The following SLC28A3 variants were observed in gnomAD, a reference collection of about 807,000 sequenced individuals.
SLC28A3 encodes solute carrier family 28 member 3.
In SLC28A3, 68 loss-of-function variants were observed where a neutral mutation model predicts 84.2. That is an observed-to-expected ratio of 0.81 (90% CI 0.66 to 0.99). The LOEUF (loss-of-function observed/expected upper bound fraction) is 0.99, where lower values mean the gene tolerates loss of function less well. Ranked by LOEUF, SLC28A3 falls within the 50% of genes least tolerant of loss-of-function variation. SLC28A3 has a pLI of 0.00. For synonymous variants in SLC28A3, 267 were observed against 303.6 expected (o/e 0.88, Z 1.25); for missense variants, 712 against 841.5 (o/e 0.85, Z 1.90).
intron 8 of SLC28A3, among the ~76,000 whole-genome samples, chr9:84,295,406 G>A (rs796558960): frequency 2.0e-5 from 3 of 152,094 alleles, no homozygotes; most frequent in Non-Finnish European, 2.9e-5. Flanking sequence ...CCAACATGGC[G>A]AAACCCTGTC....
At chr9:84,353,188 T>G in the SLC28A3 span, among the ~76,000 whole-genome samples, 1 of 152,194 alleles carries the variant, frequency 6.6e-6, no homozygotes, top group African/African-American at 2.4e-5. Context: ...GTATCCCAAA[T>G]GTAAGTTGTC....
At chr9:84,364,010 A>G in the SLC28A3 span, among the ~76,000 whole-genome samples, 1 of 152,064 alleles carries the variant, frequency 6.6e-6, no homozygotes, top group African/African-American at 2.4e-5. Context: ...TATGGGGTAC[A>G]TGAGATGTTT....
rs941994627 is a variant in SLC28A3 at position 84,283,379 on chromosome 9, A to T, written c.1647+1966T>A. On this transcript the variant is annotated intron_variant, in intron 14 of 17. Coordinates refer to ENST00000376238, the MANE Select transcript of SLC28A3 (RefSeq NM_001199633.2). Reference sequence around the variant, plus strand: ...ATCTCTGATAGTGAAAAAACAGATAACTGCTTATCAGCATGGGACTGGTTA... The same window carrying T: ...ATCTCTGATAGTGAAAAAACAGATATCTGCTTATCAGCATGGGACTGGTTA... 2.0e-5 allele frequency among the ~76,000 whole-genome samples: 3 copies of T among 152,368 alleles called. No homozygotes were observed. In the South Asian group the frequency reaches 6.2e-4, roughly 32 times the overall value.
chr9:84,309,718 G>A lies in SLC28A3; in HGVS notation c.157-4C>T. ...CAACTGTGACCTGTTCTTCATCCTGGAAATCAAACATTGGAGCAGAGATGG... is the reference window on the plus strand; with the variant it reads ...CAACTGTGACCTGTTCTTCATCCTGAAAATCAAACATTGGAGCAGAGATGG... On this transcript the variant is annotated splice_polypyrimidine_tract_variant and splice_region_variant and intron_variant, in intron 2 of 17. Coordinates refer to ENST00000376238, the MANE Select transcript of SLC28A3 (RefSeq NM_001199633.2). The A allele has an allele frequency of 6.2e-7, 1 of 1,612,946 alleles. No homozygotes were observed.
In SLC28A3 at chr9:84,275,959, CATCTT is replaced by C. The variant is rs1824514124; in HGVS notation, c.*2254_*2258del. 1 of 152,166 alleles carries C rather than the reference CATCTT, an allele frequency of 6.6e-6. No individual in the cohort carries two copies. Among genetic ancestry groups the C allele is most frequent in the African/African-American group, 2.4e-5 (1 of 41,442 alleles). 9.4% of individuals were successfully genotyped at this position (152,166 alleles called of 1,614,324 possible). Reference sequence around the variant, plus strand: ...CATATTTCTCCAAAAACCAGTCTGACATCTTATAATACCAGAAATATACACACACT... The same window carrying C: ...CATATTTCTCCAAAAACCAGTCTGACATAATACCAGAAATATACACACACT... On this transcript the variant is annotated 3_prime_UTR_variant, in exon 18 of 18. Transcript: ENST00000376238.
chr9:84,304,466 A>G lies in SLC28A3; in HGVS notation c.334+788T>C, dbSNP rs563454471. 5.3e-4 allele frequency among the ~76,000 whole-genome samples: 80 copies of G among 152,256 alleles called. No individual in the cohort carries two copies. In the East Asian group the frequency reaches 0.01, roughly 20 times the overall value. On this transcript the variant is annotated intron_variant, in intron 4 of 17. Coordinates refer to ENST00000376238, the MANE Select transcript of SLC28A3 (RefSeq NM_001199633.2). ...AACAAAAAATAACAGTACAACAAAA[A>G]AAAAAAACAAAAACAAACCAAAACA...
chr9:84,350,118 A>G, the SLC28A3 span, among the ~76,000 whole-genome samples: 1 of 152,232 alleles, frequency 6.6e-6, no homozygotes, highest in South Asian at 2.1e-4. Context: ...GTGCATTTAA[A>G]TATATCTAAA....
the SLC28A3 span, among the ~76,000 whole-genome samples, chr9:84,364,462 A>T: frequency 6.6e-6 from 1 of 152,096 alleles, no homozygotes. Context: ...GCCTCAAGTG[A>T]TCCTCCTGCC....
rs1824712438 is a variant in SLC28A3, at chr9:84,280,651, G to C, written c.1729+150C>G. The C allele has an allele frequency of 5.4e-6, 4 of 735,926 alleles. No individual in the cohort carries two copies. The South Asian group carries it at 7.5e-5, about 14-fold the overall frequency. 45.6% of individuals were successfully genotyped at this position (735,926 alleles called of 1,614,324 possible). ...TGGGTGTGCAAGGGAAAACTATATT[G>C]CAGACTAGAGATTAAAAAAATAGAC... On this transcript the variant is annotated intron_variant, in intron 15 of 17. Coordinates refer to ENST00000376238, the MANE Select transcript of SLC28A3 (RefSeq NM_001199633.2).
chr9:84,287,941 G>A lies in SLC28A3; in HGVS notation c.1280+107C>T, dbSNP rs531317169. 1.1e-4 allele frequency: 148 copies of A among 1,403,222 alleles called. 1 individual carries two copies. The highest frequency in any genetic ancestry group is 1.4e-4 in the Non-Finnish European group (140 of 1,020,874). The allele number at this position is 1,403,222 out of a possible 1,614,324, so 86.9% of individuals were successfully genotyped here. On this transcript the variant is annotated intron_variant, in intron 12 of 17. Coordinates refer to ENST00000376238, the MANE Select transcript of SLC28A3 (RefSeq NM_001199633.2). ...TAGTCTTTGGACTAACTTTAATATT[G>A]TAATTCACTGTGCTTTCCGGTTATC...
the SLC28A3 span, among the ~76,000 whole-genome samples, chr9:84,350,928 A>G: frequency 6.6e-6 from 1 of 152,018 alleles, no homozygotes; most frequent in Non-Finnish European, 1.5e-5. Flanking sequence ...CCAGGCTGGT[A>G]TATCCTGACC....
chr9:84,309,749 T>C, intron 2 of SLC28A3, 35 bp from the exon 3 acceptor site: 1 of 1,588,152 alleles, frequency 6.3e-7, no homozygotes. Flanking sequence ...GATGGAATAA[T>C]GAGCATCCTG....
chr9:84,367,323 A>T, the SLC28A3 span, among the ~76,000 whole-genome samples: 1 of 152,152 alleles, frequency 6.6e-6, no homozygotes. Context: ...AGGTCCAGAG[A>T]TATCCACAAG....
At chr9:84,340,777 C>T (rs1320348759), upstream of SLC28A3, 17 of 806,870 alleles carry the variant, frequency 2.1e-5, no homozygotes, top group Non-Finnish European at 2.4e-5. Flanking sequence ...CTGCAATAAT[C>T]TCCTGAATGA....
rs140965244 is a variant in SLC28A3, at chr9:84,299,071, A to G, written c.669+510T>C. ...CAGAGTTTGCCATCTTGAGTTACAT[A>G]TGAGAGATTTGATGTCTCAGAATTC... is the stretch of plus-strand genomic sequence containing the variant. On this transcript the variant is annotated intron_variant, in intron 6 of 17. Transcript: ENST00000376238. Among the ~76,000 whole-genome samples the G allele has an allele frequency of 3.0e-3, 455 of 152,304 alleles. 3 individuals carry two copies. Among genetic ancestry groups the G allele is most frequent in the Non-Finnish European group, 5.0e-3 (337 of 68,028 alleles).
chr9:84,346,711 C>T, the SLC28A3 span, among the ~76,000 whole-genome samples: 8,224 of 152,156 alleles, frequency 0.054, 447 homozygotes, highest in East Asian at 0.17. Context: ...ATTTGTTTTT[C>T]AACAAAATTC....
the SLC28A3 span, among the ~76,000 whole-genome samples, chr9:84,347,060 C>T: frequency 1.3e-5 from 2 of 151,866 alleles, no homozygotes; most frequent in Non-Finnish European, 2.9e-5. Context: ...CCAGTAATCC[C>T]ATTTACTCAG....
At position 84,290,213 on chromosome 9, in the gene SLC28A3, T is replaced by C. The variant is rs1260900168; in HGVS notation, c.1090A>G (p.Met364Val). 1.9e-6 allele frequency: 3 copies of C among 1,613,622 alleles called. No individual in the cohort carries two copies. The highest frequency in any genetic ancestry group is 2.5e-6 in the Non-Finnish European group (3 of 1,179,646). Residue 364 changes from methionine (M) to valine (V), a missense_variant, in exon 11 of 18, where the codon ATG (methionine) becomes GTG (valine). Coordinates refer to ENST00000376238, the MANE Select transcript of SLC28A3 (RefSeq NM_001199633.2). ...YITKSELHAI[M>V]TAGFSTIAGS... Reference sequence around the variant, plus strand: ...GCAATGGTAGAGAACCCGGCGGTCATGATGGCGTGGAGTTCAGACTTGGTG... The same window carrying C: ...GCAATGGTAGAGAACCCGGCGGTCACGATGGCGTGGAGTTCAGACTTGGTG...
Position 84,297,231 on chromosome 9 carries a change from A to G in SLC28A3, c.851T>C (p.Phe284Ser). ...AAGGTTTGACTTTACCTTAAATGCAAAGAAGTGGTCTTTGTATTTCTCACC... is the reference window on the plus strand; with the variant it reads ...AAGGTTTGACTTTACCTTAAATGCAGAGAAGTGGTCTTTGTATTTCTCACC... ...VFGEKYKDHF[F>S]AFKVLPIVVF... The change falls in exon 8 of 18, where the codon TTT becomes TCT. Residue 284 changes from phenylalanine (F) to serine (S), a missense_variant. Phe to Ser is a radical substitution (Grantham distance 155). Transcript: ENST00000376238. The G allele has an allele frequency of 6.2e-7, 1 of 1,613,122 alleles. No individual in the cohort carries two copies. The highest frequency in any genetic ancestry group is 8.5e-7 in the Non-Finnish European group (1 of 1,179,696).
Sources: allele counts gnomAD v4.1 joint callset (sites outside exome capture counted in the v4.1 genomes callset), GRCh38; gene constraint gnomAD v4.1.1; transcripts MANE v1.5; gene names NCBI Gene and HGNC (gene_info 2026-07-23, HGNC 2026-07-21).